The following TNIK variants were observed in gnomAD, a reference collection of about 807,000 sequenced individuals.
The protein encoded by TNIK is TRAF2 and NCK interacting kinase.
A neutral mutation model predicts 191.3 loss-of-function variants in TNIK; 49 were observed. The ratio of observed to expected loss-of-function variants is 0.26; its 90% CI spans 0.20 to 0.32. The LOEUF (loss-of-function observed/expected upper bound fraction) is 0.32. Among genes scored for constraint, TNIK ranks in the 10% least tolerant of loss-of-function variants. TNIK has a pLI of 1.00. For missense variants in TNIK, 1,155 were observed against 1,702.3 expected (o/e 0.68, Z 5.66); for synonymous variants, 594 against 600.9 (o/e 0.99, Z 0.17).
chr3:171,103,166 C>T (rs898974895), intron 21 of TNIK, among the ~76,000 whole-genome samples: 2 of 152,004 alleles, frequency 1.3e-5, no homozygotes, highest in African/African-American at 4.8e-5. Flanking sequence ...CATACAGAAA[C>T]ACACTTGGCT....
At chr3:171,165,894 C>G (rs950102013) in intron 10 of TNIK, among the ~76,000 whole-genome samples, 7 of 152,190 alleles carry the variant, frequency 4.6e-5, no homozygotes, top group Non-Finnish European at 1.0e-4. Context: ...TTCTCTCTTC[C>G]CATACTCTAA....
intron 12 of TNIK, among the ~76,000 whole-genome samples, chr3:171,154,040 G>T (rs766054861): frequency 3.3e-5 from 5 of 152,128 alleles, no homozygotes; most frequent in Admixed American, 6.5e-5. Flanking sequence ...GTCAAATGAT[G>T]ACCTACAGAC....
At chr3:171,065,819 A>G (rs1338418217) in intron 32 of TNIK, among the ~76,000 whole-genome samples, 1 of 152,272 alleles carries the variant, frequency 6.6e-6, no homozygotes, top group African/African-American at 2.4e-5. Flanking sequence ...AGGTCTTGAA[A>G]GTGACTTTGT....
intron 2 of TNIK, among the ~76,000 whole-genome samples, chr3:171,308,599 G>A (rs1307087133): frequency 6.6e-6 from 1 of 152,078 alleles, no homozygotes; most frequent in East Asian, 1.9e-4. Flanking sequence ...CACAGCAGAA[G>A]AAACTTTCAA....
intron 28 of TNIK, among the ~76,000 whole-genome samples, chr3:171,073,845 CAAAA>C (rs562403849): frequency 5.1e-5 from 5 of 97,892 alleles, no homozygotes; most frequent in African/African-American, 3.8e-5. Context: ...ACTAAAAGGT[CAAAA>C]AAAAAAAAAA....
At chr3:171,349,122 C>T (rs1712731325) in intron 2 of TNIK, among the ~76,000 whole-genome samples, 1 of 151,626 alleles carries the variant, frequency 6.6e-6, no homozygotes, top group Non-Finnish European at 1.5e-5. Flanking sequence ...GCTATAACAC[C>T]CAAAAAAGTT....
chr3:171,341,978 A>G (rs1757580838), intron 2 of TNIK, among the ~76,000 whole-genome samples: 1 of 152,166 alleles, frequency 6.6e-6, no homozygotes, highest in Non-Finnish European at 1.5e-5. Flanking sequence ...GATGTTTTAC[A>G]TTTTTATTAT....
intron 32 of TNIK, among the ~76,000 whole-genome samples, chr3:171,065,539 G>T (rs905801870): frequency 1.3e-5 from 2 of 152,198 alleles, no homozygotes; most frequent in Admixed American, 1.3e-4. Context: ...AAACCTCGGG[G>T]TTACTCTACA....
At chr3:171,102,281 G>A (rs1001255902) in intron 21 of TNIK, among the ~76,000 whole-genome samples, 1 of 152,156 alleles carries the variant, frequency 6.6e-6, no homozygotes, top group African/African-American at 2.4e-5. Context: ...CTTCCAAAAT[G>A]ATAGGTGTTT....
At position 171,063,659 on chromosome 3, in the gene TNIK, G is replaced by C. The variant is rs1038263526; in HGVS notation, c.*222C>G. On this transcript the variant is annotated 3_prime_UTR_variant, in exon 33 of 33. Transcript: ENST00000436636. ...TCCACAGACAAGGCAGCATTCTTGG[G>C]GATCTCCTGGAAATTCCTGCCACCT... The C allele has an allele frequency of 3.2e-5, 15 of 461,810 alleles. No homozygotes were observed. The highest frequency in any genetic ancestry group is 3.0e-4 in the African/African-American group (15 of 49,532). The allele number at this position is 461,810 out of a possible 1,614,324, so 28.6% of individuals were successfully genotyped here.
chr3:171,451,379 T>A (rs1368470030), intron 1 of TNIK, among the ~76,000 whole-genome samples: 1 of 152,226 alleles, frequency 6.6e-6, no homozygotes, highest in East Asian at 1.9e-4. Flanking sequence ...CAGTCAAGCC[T>A]TCAGAAGATA....
At position 171,101,443 on chromosome 3, in the gene TNIK, T is replaced by C. The variant is rs756550245; in HGVS notation, c.2591+6A>G. The C allele has an allele frequency of 4.4e-6, 7 of 1,595,746 alleles. No homozygotes were observed. In the Middle Eastern group the frequency reaches 6.7e-4, roughly 152 times the overall value. On this transcript the variant is annotated splice_donor_region_variant and intron_variant, in intron 22 of 32. Transcript: ENST00000436636. The stretch of plus-strand genomic sequence containing the variant: ...CCGGTCTACACTTTAAAAGTAGTTC[T>C]CTTACATCAGTCTGGGTATGTCGCT...
intron 7 of TNIK, among the ~76,000 whole-genome samples, chr3:171,178,116 G>T (rs1260612480): frequency 6.6e-6 from 1 of 152,132 alleles, no homozygotes; most frequent in African/African-American, 2.4e-5. Context: ...TTTCTAGTTT[G>T]GGCTATTACA....
intron 2 of TNIK, among the ~76,000 whole-genome samples, chr3:171,280,453 G>A (rs779401040): frequency 9.9e-5 from 15 of 152,198 alleles, no homozygotes; most frequent in Non-Finnish European, 1.9e-4. Context: ...GTGAAGTGGA[G>A]ACAATATTTA....
intron 2 of TNIK, among the ~76,000 whole-genome samples, chr3:171,274,219 C>A (rs1329042466): frequency 1.3e-5 from 2 of 152,148 alleles, no homozygotes; most frequent in African/African-American, 2.4e-5. Flanking sequence ...ATCCTCATTC[C>A]AATTTTCTGT....
chr3:171,255,468 A>T (rs1310101566), intron 2 of TNIK, among the ~76,000 whole-genome samples: 1 of 152,206 alleles, frequency 6.6e-6, no homozygotes, highest in African/African-American at 2.4e-5. Flanking sequence ...TATAAGCTAA[A>T]GCGATTTTTC....
At position 171,342,315 on chromosome 3, in the gene TNIK, A is replaced by G. The variant is rs1236753075; in HGVS notation, c.123+27305T>C. On this transcript the variant is annotated intron_variant, in intron 2 of 32. Coordinates refer to ENST00000436636, the MANE Select transcript of TNIK (RefSeq NM_015028.4). Reference sequence around the variant, plus strand: ...TGCTGATGTTGGTGGTCCCAGGAACATATTTTGAGAACCACTGGTCTAGAT... The same window carrying G: ...TGCTGATGTTGGTGGTCCCAGGAACGTATTTTGAGAACCACTGGTCTAGAT... 2.0e-5 allele frequency among the ~76,000 whole-genome samples: 3 copies of G among 152,240 alleles called. No individual in the cohort carries two copies. In the East Asian group the frequency reaches 5.8e-4, roughly 29 times the overall value.
chr3:171,077,847 C>CTGTA (rs937790825), intron 28 of TNIK, among the ~76,000 whole-genome samples: 1 of 151,466 alleles, frequency 6.6e-6, no homozygotes, highest in African/African-American at 2.4e-5. Context: ...ATATATACAG[C>CTGTA]TGTATGTATG....
chr3:171,253,922 G>T (rs1472604048), intron 2 of TNIK, among the ~76,000 whole-genome samples: 1 of 152,150 alleles, frequency 6.6e-6, no homozygotes, highest in Non-Finnish European at 1.5e-5. Flanking sequence ...TCCTTCAAGA[G>T]TTTAAATAAA....
Sources: allele counts gnomAD v4.1 joint callset (sites outside exome capture counted in the v4.1 genomes callset), GRCh38; gene constraint gnomAD v4.1.1; transcripts MANE v1.5; gene names NCBI Gene and HGNC (gene_info 2026-07-23, HGNC 2026-07-21).